Variants in HARBI1 observed in about 807,000 individuals in gnomAD.
HARBI1 encodes the protein putative nuclease HARBI1.
In HARBI1, 15 loss-of-function variants were observed where a neutral mutation model predicts 25.3. The observed-to-expected ratio is 0.59, with a 90% CI of 0.40 to 0.91. The LOEUF is 0.91. HARBI1 is among the 40% of genes least tolerant of loss of function. The pLI is 0.00. For missense variants in HARBI1, 396 were observed against 445.8 expected (o/e 0.89, Z 1.01); for synonymous variants, 168 against 160.5 (o/e 1.05, Z -0.35).
rs1405615837 is a variant in HARBI1, at chr11:46,603,595, T to A, written c.985A>T (p.Met329Leu). ...TCAGCCTCTAAGTCCAGGGACTCCA[T>A]GTGCTCATACTCCTCTTCCGGGGGC... ...EQPPEEEYEH[M>L]ESLDLEADRI... The change falls in exon 3 of 3, where the codon ATG becomes TTG. Residue 329 changes from methionine (M) to leucine (L), a missense_variant. Coordinates refer to ENST00000326737, the MANE Select transcript of HARBI1 (RefSeq NM_173811.4). 5 of 1,614,072 alleles carry A rather than the reference T, an allele frequency of 3.1e-6. No individual in the cohort carries two copies. Among genetic ancestry groups the A allele is most frequent in the Non-Finnish European group, 4.2e-6 (5 of 1,179,958 alleles).
chr11:46,612,669 A>T (rs1236929559), intron 2 of HARBI1, among the ~76,000 whole-genome samples: 2 of 139,948 alleles, frequency 1.4e-5, no homozygotes, highest in African/African-American at 5.2e-5. Context: ...TGCAAAAATA[A>T]TTTTTTTTTT....
intron 2 of HARBI1, among the ~76,000 whole-genome samples, chr11:46,611,390 A>G (rs1265777712): frequency 6.6e-6 from 1 of 152,158 alleles, no homozygotes; most frequent in African/African-American, 2.4e-5. Context: ...GTCAAATTTT[A>G]AGGGCTAAGT....
chr11:46,610,267 T>C (rs919101685), intron 2 of HARBI1, among the ~76,000 whole-genome samples: 1 of 151,870 alleles, frequency 6.6e-6, no homozygotes, highest in Non-Finnish European at 1.5e-5. Flanking sequence ...CTTCAATAAG[T>C]TGTGATCATG....
chr11:46,610,661 AAAAT>A (rs1382923814), intron 2 of HARBI1, among the ~76,000 whole-genome samples: 1 of 152,260 alleles, frequency 6.6e-6, no homozygotes, highest in East Asian at 1.9e-4. Context: ...TCCGTCTCAA[AAAAT>A]AAATAAATAA....
chr11:46,603,631 G>A lies in HARBI1; in HGVS notation c.949C>T (p.Pro317Ser), dbSNP rs377297419. The A allele has an allele frequency of 1.9e-6, 3 of 1,614,064 alleles. No individual in the cohort carries two copies. The highest frequency in any genetic ancestry group is 2.2e-5 in the East Asian group (1 of 44,888). ...TCCTCTTCCGGGGGCTGTTCCATGGGTCCTGTCATTGGAGAGGACCAAACA... is the reference window on the plus strand; with the variant it reads ...TCCTCTTCCGGGGGCTGTTCCATGGATCCTGTCATTGGAGAGGACCAAACA... Reference protein sequence around the residue: ...MDVWSSPMTGPMEQPPEEEYE... With the variant: ...MDVWSSPMTGSMEQPPEEEYE... Residue 317 changes from proline (P) to serine (S), a missense_variant, in exon 3 of 3, where the codon CCC becomes TCC. By Grantham distance (74) the Pro-to-Ser change is moderately conservative. Transcript: ENST00000326737.
intron 1 of HARBI1, chr11:46,616,644 A>AT (rs2045502441): frequency 2.0e-6 from 2 of 1,005,558 alleles, no homozygotes; most frequent in African/African-American, 3.5e-5. Flanking sequence ...AGGTGATGAC[A>AT]TAATTATTCA....
chr11:46,613,815 T>C (rs1470091938), intron 2 of HARBI1, among the ~76,000 whole-genome samples: 1 of 151,666 alleles, frequency 6.6e-6, no homozygotes, highest in East Asian at 1.9e-4. Context: ...GATTGTTTCA[T>C]TTATTTGTTT....
At chr11:46,615,443 C>G in intron 2 of HARBI1, 125 bp downstream of exon 2, 1 of 758,266 alleles carries the variant, frequency 1.3e-6, no homozygotes. Flanking sequence ...GTCTCCAGCT[C>G]TTGACCTCAG....
At chr11:46,612,052 A>G (rs2045202564) in intron 2 of HARBI1, among the ~76,000 whole-genome samples, 1 of 152,204 alleles carries the variant, frequency 6.6e-6, no homozygotes, top group African/African-American at 2.4e-5. Context: ...CACTTGGAAC[A>G]CAGGAGGTTT....
intron 2 of HARBI1, chr11:46,604,146 C>A: frequency 1.0e-6 from 1 of 985,294 alleles, no homozygotes; most frequent in African/African-American, 1.7e-5. Flanking sequence ...CACATAAAAA[C>A]GCTGGCACCT....
At chr11:46,612,416 A>G (rs1438356782) in intron 2 of HARBI1, among the ~76,000 whole-genome samples, 1 of 152,230 alleles carries the variant, frequency 6.6e-6, no homozygotes, top group Admixed American at 6.5e-5. Context: ...CAAACCCAAA[A>G]AACAAAAAAC....
At chr11:46,613,312 T>C (rs2135401927) in intron 2 of HARBI1, among the ~76,000 whole-genome samples, 1 of 152,244 alleles carries the variant, frequency 6.6e-6, no homozygotes, top group East Asian at 1.9e-4. Context: ...CAATACTTCA[T>C]AGGTAACTTT....
chr11:46,608,068 G>T (rs1346374519), intron 2 of HARBI1, among the ~76,000 whole-genome samples: 3 of 152,172 alleles, frequency 2.0e-5, no homozygotes, highest in Non-Finnish European at 4.4e-5. Flanking sequence ...GGAGGCCACA[G>T]TGGGTGGATC....
chr11:46,613,479 CTTT>C (rs541300001), intron 2 of HARBI1, among the ~76,000 whole-genome samples: 9 of 115,176 alleles, frequency 7.8e-5, no homozygotes, highest in African/African-American at 2.7e-4. Flanking sequence ...AGTATGTTGG[CTTT>C]TTTTTTTTTT....
intron 2 of HARBI1, among the ~76,000 whole-genome samples, chr11:46,606,302 T>C (rs1591236403): frequency 6.6e-6 from 1 of 152,040 alleles, no homozygotes; most frequent in Admixed American, 6.6e-5. Context: ...CTATGTAGCA[T>C]GTACTGTGCT....
chr11:46,604,626 G>C (rs1264952607), intron 2 of HARBI1: 3 of 984,716 alleles, frequency 3.0e-6, no homozygotes, highest in Non-Finnish European at 3.6e-6. Context: ...GCACTACCAA[G>C]GGATTTCAGG....
At chr11:46,616,848 A>C (rs1336651593) in intron 1 of HARBI1, 16 of 977,650 alleles carry the variant, frequency 1.6e-5, no homozygotes, top group South Asian at 1.4e-4. Flanking sequence ...AAAAAAAAAA[A>C]AAAAAAAAAA....
chr11:46,609,165 G>A (rs1212979668), intron 2 of HARBI1, among the ~76,000 whole-genome samples: 1 of 151,692 alleles, frequency 6.6e-6, no homozygotes, highest in African/African-American at 2.4e-5. Flanking sequence ...CTCAGGTGAT[G>A]TGCCCGCCTT....
chr11:46,608,373 T>C (rs1378120496), intron 2 of HARBI1, among the ~76,000 whole-genome samples: 3 of 152,178 alleles, frequency 2.0e-5, no homozygotes, highest in African/African-American at 4.8e-5. Flanking sequence ...TGTCATTCCT[T>C]ATAATCCTGC....
Sources: allele counts gnomAD v4.1 joint callset (sites outside exome capture counted in the v4.1 genomes callset), GRCh38; gene constraint gnomAD v4.1.1; transcripts MANE v1.5; gene names NCBI Gene and HGNC (gene_info 2026-07-23, HGNC 2026-07-21).